Variants in STS observed in about 807,000 individuals in gnomAD.
STS encodes steryl-sulfatase.
A neutral mutation model predicts 26.8 loss-of-function variants in STS; 7 were observed. That is an observed-to-expected ratio of 0.26 (90% CI 0.15 to 0.49). The LOEUF (loss-of-function observed/expected upper bound fraction) is 0.49, where lower values mean the gene tolerates loss of function less well. Ranked by LOEUF, STS falls within the 20% of genes least tolerant of loss-of-function variation. The pLI is 0.98. For synonymous variants in STS, 199 were observed against 189.4 expected (o/e 1.05, Z -0.42); for missense variants, 434 against 465.6 (o/e 0.93, Z 0.63).
At chrX:7,323,613 C>G (rs961018618) in intron 8 of STS, among the ~76,000 whole-genome samples, 22 of 111,787 alleles carry the variant, frequency 2.0e-4, no homozygotes, top group South Asian at 3.8e-4. Context: ...TTTTCTTTAT[C>G]CAATCCCTGT....
At chrX:7,156,721 T>A (rs1232084913) in intron 1 of STS, among the ~76,000 whole-genome samples, 1 of 112,332 alleles carries the variant, frequency 8.9e-6, no homozygotes, top group Non-Finnish European at 1.9e-5. Context: ...GTGGCTGTGA[T>A]TAAATCTGCT....
At chrX:7,216,469 C>G (rs1477097359) in intron 2 of STS, among the ~76,000 whole-genome samples, 1 of 112,354 alleles carries the variant, frequency 8.9e-6, no homozygotes, top group African/African-American at 3.2e-5. Context: ...GGAAAACACT[C>G]TAGGTCTGCA....
chrX:7,289,823 G>T (rs1337420130), intron 7 of STS, among the ~76,000 whole-genome samples: 3 of 111,330 alleles, frequency 2.7e-5, no homozygotes, highest in Non-Finnish European at 3.8e-5. Context: ...TTTTGTATGT[G>T]TGTATGTATT....
chrX:7,156,461 G>A (rs1933138098), intron 1 of STS, among the ~76,000 whole-genome samples: 2 of 111,287 alleles, frequency 1.8e-5, no homozygotes, highest in Admixed American at 1.9e-4. Flanking sequence ...CTTCTCTTGT[G>A]GGCACATTTC....
At chrX:7,235,197 C>T (rs1222528541) in intron 2 of STS, among the ~76,000 whole-genome samples, 4 of 112,146 alleles carry the variant, frequency 3.6e-5, no homozygotes, top group Non-Finnish European at 7.5e-5. Flanking sequence ...TGGCTCCTTC[C>T]ACATGGTAAC....
intron 1 of STS, among the ~76,000 whole-genome samples, chrX:7,170,996 C>T (rs955605234): frequency 9.0e-6 from 1 of 111,291 alleles, no homozygotes; most frequent in Non-Finnish European, 1.9e-5. Flanking sequence ...CTGCCCATCC[C>T]CTGGTACAAT....
chrX:7,181,880 G>A (rs761910244), intron 1 of STS, among the ~76,000 whole-genome samples: 174 of 111,720 alleles, frequency 1.6e-3, no homozygotes, highest in African/African-American at 5.4e-3. Context: ...GAGCCCAGGA[G>A]TTAGAGACCA....
intron 8 of STS, among the ~76,000 whole-genome samples, chrX:7,305,516 A>G (rs954384346): frequency 1.8e-5 from 2 of 112,189 alleles, no homozygotes; most frequent in Admixed American, 1.9e-4. Context: ...ACACAAACTT[A>G]TGGGCTTAAA....
chrX:7,203,184 C>G lies in STS; in HGVS notation c.-5+12176C>G, dbSNP rs894766696. On this transcript the variant is annotated intron_variant, in intron 2 of 10. Coordinates refer to ENST00000674429, the MANE Select transcript of STS (RefSeq NM_001320752.2). Reference sequence around the variant, plus strand: ...ATCTATGCTACCCACGCCACAAGTTCTTAGGCCTTTGGCCTCAGGCTGAGA... The same window carrying G: ...ATCTATGCTACCCACGCCACAAGTTGTTAGGCCTTTGGCCTCAGGCTGAGA... Among the ~76,000 whole-genome samples, 3 of 112,220 alleles carry G rather than the reference C, an allele frequency of 2.7e-5. No individual in the cohort carries two copies. In the Admixed American group the frequency reaches 2.8e-4, roughly 11 times the overall value.
At chrX:7,309,804 G>T (rs1240585376) in intron 8 of STS, among the ~76,000 whole-genome samples, 2 of 111,567 alleles carry the variant, frequency 1.8e-5, no homozygotes, top group Non-Finnish European at 3.8e-5. Context: ...TTTGCAGTAT[G>T]ATTATTCTGT....
At chrX:7,238,203 TAGATAGATAGATA>T (rs1922421254) in intron 2 of STS, among the ~76,000 whole-genome samples, 1 of 105,408 alleles carries the variant, frequency 9.5e-6, no homozygotes, top group Non-Finnish European at 2.0e-5. Flanking sequence ...GATAGATAGA[TAGATAGATAGATA>T]GATAGATAGC....
At chrX:7,241,662 T>C (rs111388583) in intron 2 of STS, among the ~76,000 whole-genome samples, 1 of 112,311 alleles carries the variant, frequency 8.9e-6, no homozygotes, top group African/African-American at 3.2e-5. Context: ...CCTCAAGCTA[T>C]TGGAGTTATC....
At chrX:7,212,223 C>T (rs1299532323) in intron 2 of STS, among the ~76,000 whole-genome samples, 1 of 111,945 alleles carries the variant, frequency 8.9e-6, no homozygotes, top group Non-Finnish European at 1.9e-5. Context: ...AATCCCAGCA[C>T]TTTGGGAGGC....
chrX:7,253,230 C>T lies in STS; in HGVS notation c.31C>T (p.Leu11=), dbSNP rs368766912. 1.4e-5 allele frequency: 17 copies of T among 1,209,482 alleles called. No homozygotes were observed. In the East Asian group the frequency reaches 2.1e-4, roughly 15 times the overall value. The change falls in exon 3 of 11, where the codon CTG becomes TTG. Residue 11 remains leucine, a synonymous_variant. Transcript: ENST00000674429. The part of the protein sequence containing the change: MKIPFLLLFF[L]WEAESHAASR... The stretch of plus-strand genomic sequence containing the variant: ...GATCCCTTTCCTCCTACTGTTCTTT[C>T]TGTGGGAAGCCGAGAGCCACGCAGC...
chrX:7,214,921 G>A (rs774994019), intron 2 of STS, among the ~76,000 whole-genome samples: 43 of 88,600 alleles, frequency 4.9e-4, no homozygotes, highest in African/African-American at 1.9e-3. Context: ...ATATATATAT[G>A]TGTGTGTGTG....
chrX:7,306,962 A>T (rs1456464855), intron 8 of STS, among the ~76,000 whole-genome samples: 4 of 111,775 alleles, frequency 3.6e-5, no homozygotes, highest in African/African-American at 1.3e-4. Flanking sequence ...CAGGTAGCTT[A>T]TGAAGCCTTA....
At chrX:7,258,614 C>A (rs1006269044) in intron 5 of STS, among the ~76,000 whole-genome samples, 4 of 111,610 alleles carry the variant, frequency 3.6e-5, no homozygotes, top group Admixed American at 9.5e-5. Context: ...CCTAGCAAAT[C>A]TCAGAGGAGC....
chrX:7,284,819 G>A (rs936062199), intron 7 of STS, among the ~76,000 whole-genome samples: 1 of 111,813 alleles, frequency 8.9e-6, no homozygotes, highest in Non-Finnish European at 1.9e-5. Flanking sequence ...TAATTGTGAT[G>A]GTATGATTAA....
Position 7,274,208 on chromosome X carries a change from C to A in STS, c.807-1743C>A, listed in dbSNP as rs1048648056. On this transcript the variant is annotated intron_variant, in intron 6 of 10. Coordinates refer to ENST00000674429, the MANE Select transcript of STS (RefSeq NM_001320752.2). Reference sequence around the variant, plus strand: ...ATCTGAAGTGTAGTTATTTAAGGAACCCACCCAAGTTCACAGAAGTAGTTA... The same window carrying A: ...ATCTGAAGTGTAGTTATTTAAGGAAACCACCCAAGTTCACAGAAGTAGTTA... Among the ~76,000 whole-genome samples, 7 of 111,379 alleles carry A rather than the reference C, an allele frequency of 6.3e-5. 1 individual carries two copies. The highest frequency in any genetic ancestry group is 1.9e-4 in the Admixed American group (2 of 10,451).
Sources: allele counts gnomAD v4.1 joint callset (sites outside exome capture counted in the v4.1 genomes callset), GRCh38; gene constraint gnomAD v4.1.1; transcripts MANE v1.5; gene names NCBI Gene and HGNC (gene_info 2026-07-23, HGNC 2026-07-21).